The following RNF145 variants were observed in gnomAD, a reference collection of about 807,000 sequenced individuals.
The protein encoded by RNF145 is ring finger protein 145.
In RNF145, 12 loss-of-function variants were observed where a neutral mutation model predicts 57.3. That is an observed-to-expected ratio of 0.21 (90% CI 0.13 to 0.34). The LOEUF (loss-of-function observed/expected upper bound fraction) is 0.34. Among genes scored for constraint, RNF145 ranks in the 10% least tolerant of loss-of-function variants. The pLI, the probability that RNF145 is intolerant of heterozygous loss-of-function variation, is 1.00. For missense variants in RNF145, 429 were observed against 799.0 expected, an observed-to-expected ratio of 0.54 and a Z score of 5.58; for synonymous variants, 262 against 288.3, an observed-to-expected ratio of 0.91 and a Z score of 0.92.
At chr5:159,193,067 A>G (rs931523627) in intron 3 of RNF145, among the ~76,000 whole-genome samples, 1 of 152,194 alleles carries the variant, frequency 6.6e-6, no homozygotes, top group Admixed American at 6.5e-5. Flanking sequence ...TGTCTGTATC[A>G]GTATTGGTGC....
intron 2 of RNF145, among the ~76,000 whole-genome samples, chr5:159,201,945 C>T (rs1785684425): frequency 6.6e-6 from 1 of 152,096 alleles, no homozygotes; most frequent in Non-Finnish European, 1.5e-5. Context: ...ATTCTGTAAA[C>T]AGGAGCATTA....
intron 8 of RNF145, among the ~76,000 whole-genome samples, chr5:159,168,082 T>G (rs1309300402): frequency 6.6e-6 from 1 of 152,166 alleles, no homozygotes; most frequent in Non-Finnish European, 1.5e-5. Context: ...CAGAATTTCC[T>G]TGTATCAACT....
rs1159054710 is a variant in RNF145, at chr5:159,203,607, T to C, written c.11A>G (p.Lys4Arg). The change falls in exon 2 of 11, where the codon AAG (lysine) becomes AGG (arginine). Residue 4 changes from lysine to arginine, a missense_variant. This residue lies in a region of RNF145 where 109 missense variants were observed against 207.2 expected (regional missense o/e 0.53). Transcript: ENST00000424310. Reference sequence around the variant, plus strand: ...ATTTAACACTGCCTCCAGTTTCTCCTTTGCAGCCATGTTGTTTTTTTTTTT... The same window carrying C: ...ATTTAACACTGCCTCCAGTTTCTCCCTTGCAGCCATGTTGTTTTTTTTTTT... MAA[K>R]EKLEAVLNVA... is the part of the protein sequence containing the mutation. 6.2e-7 allele frequency: 1 copy of C among 1,610,688 alleles called. No individual in the cohort carries two copies. The highest frequency in any genetic ancestry group is 2.2e-5 in the East Asian group (1 of 44,872).
intron 1 of RNF145, chr5:159,207,577 G>C: frequency 1.3e-6 from 2 of 1,596,336 alleles, no homozygotes; most frequent in East Asian, 2.2e-5. Context: ...CATCGGTTAG[G>C]ATGGTAGGCC....
chr5:159,188,281 G>A (rs959752994), intron 3 of RNF145, among the ~76,000 whole-genome samples: 2 of 152,042 alleles, frequency 1.3e-5, no homozygotes, highest in African/African-American at 4.8e-5. Flanking sequence ...CAGCTACTCG[G>A]GAGGCTGAGG....
At chr5:159,169,898 C>A in intron 6 of RNF145, 79 bp from the exon 7 acceptor site, 1 of 1,175,766 alleles carries the variant, frequency 8.5e-7, no homozygotes, top group South Asian at 1.7e-5. Context: ...TAAATAATCA[C>A]CAAGCTTGAT....
At chr5:159,169,571 C>T in intron 7 of RNF145, 108 bp downstream of exon 7, 1 of 921,800 alleles carries the variant, frequency 1.1e-6, no homozygotes, top group Non-Finnish European at 1.6e-6. Context: ...AAAAAAACCT[C>T]TCCAATTCCA....
intron 6 of RNF145, 94 bp downstream of exon 6, chr5:159,173,889 G>A (rs979443936): frequency 1.2e-6 from 1 of 868,598 alleles, no homozygotes; most frequent in East Asian, 2.7e-5. Flanking sequence ...TGTGTAACAT[G>A]AACGATAAAA....
At chr5:159,159,108 T>C (rs949557335) in intron 10 of RNF145, 73 bp from the exon 11 acceptor site, 2 of 1,382,120 alleles carry the variant, frequency 1.4e-6, no homozygotes, top group African/African-American at 1.4e-5. Flanking sequence ...CCCAAAGTTC[T>C]GGTTCTAACA....
Position 159,208,541 on chromosome 5 carries a change from T to TA in RNF145, c.-40+689dup, listed in dbSNP as rs1247671682. 3.9e-5 allele frequency among the ~76,000 whole-genome samples: 6 copies of TA among 152,026 alleles called. No homozygotes were observed. The East Asian group carries it at 1.2e-3, about 29-fold the overall frequency. Reference sequence around the variant, plus strand: ...GAAGGGATGAGGAGCCCTCTTACTATAAAAGGGACTGACGGACGGGATGCA... The same window carrying TA: ...GAAGGGATGAGGAGCCCTCTTACTATAAAAAGGGACTGACGGACGGGATGCA... On this transcript the variant is annotated intron_variant, in intron 1 of 10. Coordinates refer to ENST00000424310, the MANE Select transcript of RNF145 (RefSeq NM_001199383.2).
intron 4 of RNF145, among the ~76,000 whole-genome samples, chr5:159,179,322 C>G (rs924817919): frequency 6.6e-6 from 1 of 152,054 alleles, no homozygotes; most frequent in Non-Finnish European, 1.5e-5. Flanking sequence ...TTCTGATTTG[C>G]CTATTTCAAC....
chr5:159,209,111 A>G (rs1786012600), intron 1 of RNF145, 120 bp downstream of exon 1: 3 of 222,722 alleles, frequency 1.3e-5, no homozygotes, highest in Admixed American at 6.5e-5. Context: ...AGATAAAAGG[A>G]AAGGGGCGAA....
rs1469718880 is a variant in RNF145, at chr5:159,209,514, T to A, written c.-323A>T. ...CAGCCGGCGCCGGCGTCGGCGGCCATGGCCTCCTGCGTTTGCTCCTCCCGC... is the reference window on the plus strand; with the variant it reads ...CAGCCGGCGCCGGCGTCGGCGGCCAAGGCCTCCTGCGTTTGCTCCTCCCGC... On this transcript the variant is annotated 5_prime_UTR_variant, in exon 1 of 11. It removes an upstream start codon present in the reference 5' UTR. Coordinates refer to ENST00000424310, the MANE Select transcript of RNF145 (RefSeq NM_001199383.2). 2.6e-4 allele frequency: 24 copies of A among 92,112 alleles called. No homozygotes were observed. The South Asian group carries it at 8.1e-3, about 31-fold the overall frequency. 5.7% of individuals were successfully genotyped at this position (92,112 alleles called of 1,614,324 possible). A position where few individuals can be genotyped will look rare whatever the true frequency, so the allele number is the denominator to read the frequency against.
chr5:159,201,811 C>T (rs2113236137), intron 2 of RNF145, among the ~76,000 whole-genome samples: 1 of 152,258 alleles, frequency 6.6e-6, no homozygotes, highest in East Asian at 1.9e-4. Context: ...AGTGAGAACT[C>T]AGCGAATGAG....
chr5:159,159,074 T>C, intron 10 of RNF145, 39 bp from the exon 11 acceptor site: 1 of 1,556,942 alleles, frequency 6.4e-7, no homozygotes, highest in Non-Finnish European at 8.7e-7. Context: ...TAAATGTCTG[T>C]TTTCTAGTAT....
At chr5:159,195,015 G>A (rs915754126) in intron 2 of RNF145, among the ~76,000 whole-genome samples, 191 bp from the exon 3 acceptor site, 1 of 151,548 alleles carries the variant, frequency 6.6e-6, no homozygotes, top group Non-Finnish European at 1.5e-5. Context: ...AATGTATTGT[G>A]TTTTTCACTT....
chr5:159,182,676 G>T (rs779093352), intron 3 of RNF145, among the ~76,000 whole-genome samples: 6 of 152,110 alleles, frequency 3.9e-5, no homozygotes, highest in Non-Finnish European at 8.8e-5. Context: ...CTCATTTAAC[G>T]TGTGACTACT....
intron 1 of RNF145, chr5:159,207,748 T>C (rs766564436): frequency 6.2e-7 from 1 of 1,614,194 alleles, no homozygotes; most frequent in Non-Finnish European, 8.5e-7. Flanking sequence ...GCTAACTTTG[T>C]ATGTACCTGA....
At chr5:159,174,347 CATTATT>C (rs1287843909) in intron 5 of RNF145, among the ~76,000 whole-genome samples, 189 bp from the exon 6 acceptor site, 8 of 152,072 alleles carry the variant, frequency 5.3e-5, no homozygotes, top group African/African-American at 1.9e-4. Flanking sequence ...ACTAATTTTG[CATTATT>C]ATTAACACTT....
Sources: gnomAD v4.1 joint callset for allele counts (sites outside exome capture counted in the v4.1 genomes callset) on GRCh38, gnomAD v4.1.1 for gene constraint, gnomAD v4.1.1 regional missense constraint, MANE v1.5 for transcripts, NCBI Gene and HGNC (gene_info 2026-07-23, HGNC 2026-07-21) for gene names.